GDPD5: variants seen among roughly 807,000 people sequenced by gnomAD.
The protein encoded by GDPD5 is glycerophosphodiester phosphodiesterase 2.
In GDPD5, 48 loss-of-function variants were observed where a neutral mutation model predicts 75.1. The observed-to-expected ratio is 0.64, with a 90% confidence interval of 0.51 to 0.81. The LOEUF is 0.81. GDPD5 is among the 40% of genes least tolerant of loss of function. The pLI is 0.00. For synonymous variants in GDPD5, 336 were observed against 339.0 expected (o/e 0.99, Z 0.10); for missense variants, 706 against 822.6 (o/e 0.86, Z 1.73).
chr11:75,492,151 C>T (rs968784648), intron 1 of GDPD5, among the ~76,000 whole-genome samples: 21 of 152,222 alleles, frequency 1.4e-4, no homozygotes, highest in Admixed American at 2.6e-4. Context: ...TGTCTGGACG[C>T]GGAGGCCGCC....
intron 13 of GDPD5, 74 bp downstream of exon 13, chr11:75,441,572 G>C (rs1948806006): frequency 7.5e-7 from 1 of 1,329,242 alleles, no homozygotes; most frequent in South Asian, 1.4e-5. Flanking sequence ...GTGTGTGTTG[G>C]GGGGTGGTGG....
intron 4 of GDPD5, among the ~76,000 whole-genome samples, chr11:75,462,460 C>T (rs1450084251): frequency 2.6e-5 from 4 of 152,202 alleles, no homozygotes; most frequent in African/African-American, 9.7e-5. Flanking sequence ...CTCCAGGAAG[C>T]TTTCCCTGAG....
intron 1 of GDPD5, among the ~76,000 whole-genome samples, chr11:75,522,302 T>C (rs1184134614): frequency 6.6e-6 from 1 of 152,186 alleles, no homozygotes; most frequent in Non-Finnish European, 1.5e-5. Flanking sequence ...GTCTTTCCCA[T>C]GCTCTCAGTG....
intron 3 of GDPD5, among the ~76,000 whole-genome samples, chr11:75,468,686 C>A (rs544765168): frequency 1.6e-4 from 25 of 152,034 alleles, no homozygotes; most frequent in African/African-American, 2.2e-4. Flanking sequence ...GACGCCCCCC[C>A]CCCGGGAGGT....
rs1949814788 is a variant in GDPD5, at chr11:75,477,937, G to A, written c.-60-142C>T. ...GGGCTCCGTCTCACTTGGAGTCACA[G>A]GCCCACCCCTGCAGGTCCCCAAGGA... On this transcript the variant is annotated intron_variant, in intron 2 of 16. Transcript: ENST00000336898. 7 of 410,904 alleles carry A rather than the reference G, an allele frequency of 1.7e-5. No homozygotes were observed. The South Asian group carries it at 2.9e-4, about 17-fold the overall frequency. The allele number at this position is 410,904 out of a possible 1,614,324, so 25.5% of individuals were successfully genotyped here. A position where few individuals can be genotyped will look rare whatever the true frequency, so the allele number is the denominator to read the frequency against.
At chr11:75,463,069 C>G (rs1467314119) in intron 3 of GDPD5, among the ~76,000 whole-genome samples, 180 bp from the exon 4 acceptor site, 2 of 152,204 alleles carry the variant, frequency 1.3e-5, no homozygotes, top group Non-Finnish European at 2.9e-5. Context: ...TGTCCACCAT[C>G]ACCAAGCCCA....
chr11:75,437,116 C>T (rs568666238), intron 15 of GDPD5, 68 bp from the exon 16 acceptor site: 3 of 1,134,394 alleles, frequency 2.6e-6, no homozygotes, highest in East Asian at 2.4e-5. Context: ...ACCCTGCCTA[C>T]TTCCAGAGCC....
At chr11:75,486,976 T>C (rs1023865672) in intron 2 of GDPD5, among the ~76,000 whole-genome samples, 9 of 152,246 alleles carry the variant, frequency 5.9e-5, no homozygotes, top group African/African-American at 2.2e-4. Flanking sequence ...GCTCACCAAG[T>C]GGACCGTTTC....
At chr11:75,473,841 G>T (rs756332432) in intron 3 of GDPD5, among the ~76,000 whole-genome samples, 51 of 152,166 alleles carry the variant, frequency 3.4e-4, no homozygotes, top group Non-Finnish European at 5.9e-4. Context: ...GGCCAGCTCG[G>T]GCAAGCCTTC....
intron 2 of GDPD5, among the ~76,000 whole-genome samples, chr11:75,480,246 A>G (rs1276022204): frequency 1.3e-5 from 2 of 152,008 alleles, no homozygotes; most frequent in African/African-American, 2.4e-5. Context: ...GAGGCAAGAA[A>G]ATCGCTTAAA....
rs370890383 is a variant in GDPD5, at chr11:75,441,752, C to T, written c.1219G>A (p.Gly407Ser). Residue 407 changes from glycine (G) to serine (S), a missense_variant, in exon 13 of 17, where the codon GGC becomes AGC. Coordinates refer to ENST00000336898, the MANE Select transcript of GDPD5 (RefSeq NM_030792.8). ...QRPLVRKVAP[G>S]FQQTSGSKEA... ...TTGGAGCCTGATGTCTGTTGGAAGC[C>T]GGGAGCCACCTTCCGCACCAGGGGC... The T allele has an allele frequency of 4.7e-5, 76 of 1,611,542 alleles. No homozygotes were observed. The highest frequency in any genetic ancestry group is 4.1e-4 in the South Asian group (37 of 91,050).
At chr11:75,474,634 A>G (rs1949742162) in intron 3 of GDPD5, among the ~76,000 whole-genome samples, 1 of 151,956 alleles carries the variant, frequency 6.6e-6, no homozygotes, top group African/African-American at 2.4e-5. Context: ...AAGGCTTGGA[A>G]GAGGTGGGAA....
chr11:75,459,692 T>C (rs1191310722), intron 4 of GDPD5, among the ~76,000 whole-genome samples: 1 of 151,426 alleles, frequency 6.6e-6, no homozygotes, highest in Non-Finnish European at 1.5e-5. Context: ...CACCTGTAGT[T>C]CCAGCTACTT....
intron 3 of GDPD5, among the ~76,000 whole-genome samples, chr11:75,464,420 T>G (rs908255395): frequency 6.6e-6 from 1 of 152,162 alleles, no homozygotes; most frequent in African/African-American, 2.4e-5. Context: ...CTCCAGAACG[T>G]AGGAAAGGCC....
chr11:75,493,888 T>C (rs1950159818), intron 1 of GDPD5, among the ~76,000 whole-genome samples: 1 of 152,196 alleles, frequency 6.6e-6, no homozygotes, highest in African/African-American at 2.4e-5. Context: ...TTCACAAAAA[T>C]GCACATGGTG....
intron 1 of GDPD5, among the ~76,000 whole-genome samples, chr11:75,497,712 C>T (rs559247198): frequency 5.9e-5 from 9 of 152,328 alleles, no homozygotes; most frequent in African/African-American, 2.2e-4. Context: ...CTGACCACTT[C>T]GGTGCCTGGC....
At chr11:75,518,029 C>G (rs1008559384) in intron 1 of GDPD5, among the ~76,000 whole-genome samples, 3 of 152,178 alleles carry the variant, frequency 2.0e-5, no homozygotes, top group African/African-American at 7.2e-5. Flanking sequence ...GTGGGAAGGG[C>G]CCCCGGGCTG....
chr11:75,466,340 C>A (rs1469057740), intron 3 of GDPD5, among the ~76,000 whole-genome samples: 1 of 152,112 alleles, frequency 6.6e-6, no homozygotes, highest in East Asian at 1.9e-4. Flanking sequence ...GAGGAAAACA[C>A]TGAATGGCAG....
intron 1 of GDPD5, among the ~76,000 whole-genome samples, chr11:75,520,597 C>G (rs921436952): frequency 1.3e-5 from 2 of 152,196 alleles, no homozygotes; most frequent in African/African-American, 4.8e-5. Flanking sequence ...CATGAATCAG[C>G]AGCAGAGGAG....
Sources: allele counts gnomAD v4.1 joint callset (sites outside exome capture counted in the v4.1 genomes callset), GRCh38; gene constraint gnomAD v4.1.1; transcripts MANE v1.5; gene names NCBI Gene and HGNC (gene_info 2026-07-23, HGNC 2026-07-21).